The following FAM171A1 variants were observed in gnomAD, a reference collection of about 807,000 sequenced individuals.
The protein encoded by FAM171A1 is protein FAM171A1.
Under a neutral mutation model 74.9 loss-of-function variants are expected in FAM171A1, and 23 were observed. The observed-to-expected ratio is 0.31, with a 90% CI of 0.22 to 0.44. The LOEUF (loss-of-function observed/expected upper bound fraction) is 0.44. Ranked by LOEUF, FAM171A1 falls within the 20% of genes least tolerant of loss-of-function variation. The pLI is 1.00. For missense variants in FAM171A1, 1,162 were observed against 1,159.2 expected, an observed-to-expected ratio of 1.00 and a Z score of -0.03; for synonymous variants, 527 against 505.7, an observed-to-expected ratio of 1.04 and a Z score of -0.57.
intron 1 of FAM171A1, among the ~76,000 whole-genome samples, chr10:15,348,596 C>G (rs1174869999): frequency 2.6e-5 from 4 of 152,204 alleles, no homozygotes; most frequent in Non-Finnish European, 5.9e-5. Context: ...TCCTAACCAT[C>G]AAGCCTGGAT....
intron 1 of FAM171A1, among the ~76,000 whole-genome samples, chr10:15,312,336 G>A (rs770534716): frequency 8.2e-4 from 125 of 152,282 alleles, no homozygotes; most frequent in Middle Eastern, 6.8e-3. Context: ...TTGCTTACTC[G>A]CTGCTGAACT....
chr10:15,281,123 C>T (rs1196718444), intron 2 of FAM171A1, among the ~76,000 whole-genome samples: 1 of 152,144 alleles, frequency 6.6e-6, no homozygotes, highest in Non-Finnish European at 1.5e-5. Flanking sequence ...CACCTCTACC[C>T]TCTCTCTCTT....
At chr10:15,336,315 AT>A (rs35026811) in intron 1 of FAM171A1, among the ~76,000 whole-genome samples, 10,922 of 147,600 alleles carry the variant, frequency 0.074, 495 homozygotes, top group Non-Finnish European at 0.11. Flanking sequence ...AAAGACCCAG[AT>A]TTTTTTTTTT....
chr10:15,236,683 A>G (rs985798763), intron 5 of FAM171A1, among the ~76,000 whole-genome samples: 18 of 152,202 alleles, frequency 1.2e-4, no homozygotes, highest in African/African-American at 4.1e-4. Flanking sequence ...AGTGGAGGCA[A>G]CTGAAACCAG....
intron 1 of FAM171A1, among the ~76,000 whole-genome samples, chr10:15,367,730 G>A (rs1028193398): frequency 3.7e-4 from 57 of 152,328 alleles, no homozygotes; most frequent in African/African-American, 1.4e-3. Context: ...CAGCTTTTCT[G>A]AGATGAGCAA....
At chr10:15,368,551 G>A (rs1030290136) in intron 1 of FAM171A1, among the ~76,000 whole-genome samples, 3 of 152,132 alleles carry the variant, frequency 2.0e-5, no homozygotes, top group Non-Finnish European at 4.4e-5. Flanking sequence ...TAGCTTTTGG[G>A]GAAGGTAAAC....
intron 2 of FAM171A1, among the ~76,000 whole-genome samples, chr10:15,276,420 C>G (rs1834896096): frequency 6.6e-6 from 1 of 152,208 alleles, no homozygotes; most frequent in African/African-American, 2.4e-5. Flanking sequence ...ACTTCGTGAT[C>G]CACCTGCCTT....
chr10:15,234,032 A>G (rs1487530599), intron 5 of FAM171A1, among the ~76,000 whole-genome samples: 1 of 152,156 alleles, frequency 6.6e-6, no homozygotes, highest in Non-Finnish European at 1.5e-5. Context: ...CTCATATTTG[A>G]GGCCAGAAGC....
intron 5 of FAM171A1, among the ~76,000 whole-genome samples, chr10:15,223,885 C>T (rs1834071287): frequency 1.3e-5 from 2 of 152,032 alleles, no homozygotes; most frequent in Admixed American, 1.3e-4. Context: ...GGCGACAGAG[C>T]AAGATTCTAT....
intron 5 of FAM171A1, among the ~76,000 whole-genome samples, chr10:15,231,538 AG>A (rs1834205691): frequency 1.3e-5 from 2 of 151,674 alleles, no homozygotes; most frequent in Admixed American, 1.3e-4. Context: ...CGGGTGATGC[AG>A]GTGCCGTTCA....
At chr10:15,225,309 G>T (rs1186559927) in intron 5 of FAM171A1, among the ~76,000 whole-genome samples, 2 of 152,196 alleles carry the variant, frequency 1.3e-5, no homozygotes, top group Admixed American at 6.5e-5. Flanking sequence ...GGTGCAGTAG[G>T]CAGGGAAGGA....
chr10:15,358,687 G>C (rs914088538), intron 1 of FAM171A1, among the ~76,000 whole-genome samples: 1 of 152,176 alleles, frequency 6.6e-6, no homozygotes, highest in African/African-American at 2.4e-5. Flanking sequence ...ATCCCATGCA[G>C]TATCAAGTAC....
rs572206948 is a variant in FAM171A1, at chr10:15,217,416, C to T, written c.872-1306G>A. ...GATTTTTGACATTCTAAGACATAGA[C>T]TTTTTAAAAAATCTTCTTAAGGGGA... is the stretch of plus-strand genomic sequence containing the variant. On this transcript the variant is annotated intron_variant, in intron 6 of 7. Transcript: ENST00000378116. Among the ~76,000 whole-genome samples the T allele has an allele frequency of 4.3e-3, 654 of 152,218 alleles. 6 individuals are homozygous for T. Among genetic ancestry groups the T allele is most frequent in the African/African-American group, 0.015 (606 of 41,534 alleles).
chr10:15,312,619 A>ATT (rs1465568738), intron 1 of FAM171A1, among the ~76,000 whole-genome samples: 1 of 136,848 alleles, frequency 7.3e-6, no homozygotes, highest in Non-Finnish European at 1.5e-5. Context: ...TACTCTTTTT[A>ATT]AAAATCTGTC....
chr10:15,231,647 T>C (rs896410782), intron 5 of FAM171A1, among the ~76,000 whole-genome samples: 1 of 151,068 alleles, frequency 6.6e-6, no homozygotes, highest in Non-Finnish European at 1.5e-5. Context: ...ACCCGCAAAA[T>C]GCCCTAATGC....
chr10:15,267,150 T>G (rs376381907), intron 3 of FAM171A1, among the ~76,000 whole-genome samples: 2 of 152,142 alleles, frequency 1.3e-5, no homozygotes, highest in East Asian at 3.9e-4. Flanking sequence ...GCTACTGCAG[T>G]GGTCTTGGTA....
chr10:15,281,026 T>C (rs984425244), intron 2 of FAM171A1, among the ~76,000 whole-genome samples: 5 of 152,228 alleles, frequency 3.3e-5, no homozygotes, highest in African/African-American at 1.2e-4. Context: ...GGGCAGTTTC[T>C]CATGAATGGT....
rs568799110 is a variant in FAM171A1 at position 15,271,844 on chromosome 10, T to G, written c.418+4011A>C. Among the ~76,000 whole-genome samples the G allele has an allele frequency of 1.5e-4, 23 of 152,340 alleles. No homozygotes were observed. In the East Asian group the frequency reaches 3.9e-3, roughly 26 times the overall value. ...CAGACAAGCAAATGCTGAGAGATTT[T>G]GTCACCATCAGGCCTGCCTTACAAG... On this transcript the variant is annotated intron_variant, in intron 3 of 7. Transcript: ENST00000378116.
At chr10:15,364,637 G>C (rs1418464192) in intron 1 of FAM171A1, among the ~76,000 whole-genome samples, 2 of 152,242 alleles carry the variant, frequency 1.3e-5, no homozygotes, top group Non-Finnish European at 1.5e-5. Flanking sequence ...TAATCTTACA[G>C]TTCTGGAGGT....
Sources: allele counts gnomAD v4.1 joint callset (sites outside exome capture counted in the v4.1 genomes callset), GRCh38; gene constraint gnomAD v4.1.1; transcripts MANE v1.5; gene names NCBI Gene and HGNC (gene_info 2026-07-23, HGNC 2026-07-21).